WDR1: variants seen among roughly 807,000 people sequenced by gnomAD.
WDR1 encodes the protein WD repeat domain 1.
In WDR1, 21 loss-of-function variants were observed where a neutral mutation model predicts 71.9. The ratio of observed to expected loss-of-function variants is 0.29; its 90% CI spans 0.21 to 0.42. WDR1 has a LOEUF of 0.42. Ranked by LOEUF, WDR1 falls within the 10% of genes least tolerant of loss-of-function variation. The pLI is 1.00. For missense variants in WDR1, 696 were observed against 824.5 expected (o/e 0.84, Z 1.91); for synonymous variants, 424 against 347.4 (o/e 1.22, Z -2.45).
At chr4:10,081,186 C>T (rs60535886) in intron 11 of WDR1, among the ~76,000 whole-genome samples, 171 bp downstream of exon 11, 3 of 152,250 alleles carry the variant, frequency 2.0e-5, no homozygotes, top group South Asian at 2.1e-4. Context: ...ATCTGTACAA[C>T]TGATGTGATG....
At position 10,103,953 on chromosome 4, in the gene WDR1, C is replaced by T. The variant is rs1391665071; in HGVS notation, c.172G>A (p.Ala58Thr). 3 of 1,602,892 alleles carry T rather than the reference C, an allele frequency of 1.9e-6. No homozygotes were observed. The highest frequency in any genetic ancestry group is 2.6e-6 in the Non-Finnish European group (3 of 1,175,036). ...PALADIYTEHAHQVVVAKYAP... is the reference protein window; with the variant it reads ...PALADIYTEHTHQVVVAKYAP... ...TACTTGGCCACCACCACCTGATGGG[C>T]GTGCTCTGTGTAGATGTCAGCAAGG... is the stretch of plus-strand genomic sequence containing the variant. Residue 58 changes from alanine (A) to threonine (T), a missense_variant, in exon 3 of 15, where the codon GCC becomes ACC. Transcript: ENST00000499869.
intron 2 of WDR1, among the ~76,000 whole-genome samples, chr4:10,111,609 C>G (rs114732459): frequency 0.015 from 2,255 of 152,296 alleles, 56 homozygotes; most frequent in African/African-American, 0.049. Flanking sequence ...CCCCCACAGG[C>G]CAATGGCCAT....
At chr4:10,092,694 G>T (rs774421326) in intron 5 of WDR1, 1 of 266,000 alleles carries the variant, frequency 3.8e-6, no homozygotes, top group African/African-American at 2.2e-5. Context: ...GAGAGAAGCC[G>T]CGAAAAGCCC....
At chr4:10,086,655 G>C (rs1711588542) in intron 8 of WDR1, among the ~76,000 whole-genome samples, 1 of 152,234 alleles carries the variant, frequency 6.6e-6, no homozygotes, top group African/African-American at 2.4e-5. Flanking sequence ...ACCCTCTGCA[G>C]AGGCTGGTCC....
At position 10,074,425 on chromosome 4, in the gene WDR1, C is replaced by T. The variant is rs1304785342; in HGVS notation, c.*953G>A. Reference sequence around the variant, plus strand: ...CACAAGTGCAAGGGGAGGGATTGTTCTCAGCCAACATTTACCAGTGATTCC... The same window carrying T: ...CACAAGTGCAAGGGGAGGGATTGTTTTCAGCCAACATTTACCAGTGATTCC... On this transcript the variant is annotated 3_prime_UTR_variant, in exon 15 of 15. Transcript: ENST00000499869. The T allele has an allele frequency of 6.6e-6, 1 of 152,630 alleles. No homozygotes were observed. The highest frequency in any genetic ancestry group is 2.4e-5 in the African/African-American group (1 of 41,458). 9.5% of individuals were successfully genotyped at this position (152,630 alleles called of 1,614,324 possible).
At chr4:10,102,749 A>G (rs967888404) in intron 3 of WDR1, among the ~76,000 whole-genome samples, 2 of 152,164 alleles carry the variant, frequency 1.3e-5, no homozygotes, top group Non-Finnish European at 2.9e-5. Context: ...CACACGCAGG[A>G]TGGTACAAGC....
intron 8 of WDR1, among the ~76,000 whole-genome samples, chr4:10,086,073 G>C (rs1399524215): frequency 6.6e-6 from 1 of 152,214 alleles, no homozygotes; most frequent in Admixed American, 6.5e-5. Flanking sequence ...GCAGACCTGA[G>C]GGCTGACACC....
intron 9 of WDR1, among the ~76,000 whole-genome samples, chr4:10,084,187 A>G (rs917387274): frequency 2.0e-5 from 3 of 152,204 alleles, no homozygotes; most frequent in Admixed American, 2.0e-4. Context: ...CACGACAAGA[A>G]GGGACTGATC....
At chr4:10,101,151 C>T (rs1014811865) in intron 3 of WDR1, among the ~76,000 whole-genome samples, 5 of 152,288 alleles carry the variant, frequency 3.3e-5, no homozygotes, top group African/African-American at 1.2e-4. Flanking sequence ...ATGAAAATAA[C>T]CTCAGGAAAA....
chr4:10,078,695 G>A lies in WDR1; in HGVS notation c.1395+196C>T, dbSNP rs189719664. ...GGTGGGGGAAGTGCCGAGGAGGGGA[G>A]GGGAAGGCTCCAGCCCTGGGTGGCA... On this transcript the variant is annotated intron_variant, in intron 12 of 14. Transcript: ENST00000499869. 1.7e-4 allele frequency: 93 copies of A among 536,294 alleles called. No homozygotes were observed. In the East Asian group the frequency reaches 2.8e-3, roughly 16 times the overall value. 33.2% of individuals were successfully genotyped at this position (536,294 alleles called of 1,614,324 possible).
At chr4:10,112,904 G>A (rs1185047875) in intron 2 of WDR1, among the ~76,000 whole-genome samples, 1 of 152,248 alleles carries the variant, frequency 6.6e-6, no homozygotes, top group Non-Finnish European at 1.5e-5. Flanking sequence ...CAGTTAGGGG[G>A]ACAGGCAGAT....
chr4:10,097,852 C>A lies in WDR1; in HGVS notation c.417G>T (p.Val139=). Residue 139 remains valine, a synonymous_variant, in exon 5 of 15, where the codon GTG becomes GTT. Transcript: ENST00000499869. ...AVFLWDSGSS[V]GEITGHNKVI... The stretch of plus-strand genomic sequence containing the variant: ...CTTTGTTGTGTCCTGTAATCTCGCC[C>A]ACAGAAGAGCCACTATCCCAGAGGA... 6.2e-7 allele frequency: 1 copy of A among 1,609,730 alleles called. No individual in the cohort carries two copies. Among genetic ancestry groups the A allele is most frequent in the Non-Finnish European group, 8.5e-7 (1 of 1,178,262 alleles).
At chr4:10,111,170 G>A (rs574288541) in intron 2 of WDR1, among the ~76,000 whole-genome samples, 5 of 152,212 alleles carry the variant, frequency 3.3e-5, no homozygotes, top group Non-Finnish European at 5.9e-5. Flanking sequence ...TGGCTCCAGT[G>A]GCCTTCAGAG....
chr4:10,110,501 G>A (rs1043091205), intron 2 of WDR1, among the ~76,000 whole-genome samples: 14 of 152,218 alleles, frequency 9.2e-5, no homozygotes, highest in African/African-American at 3.4e-4. Flanking sequence ...GGGGCTGAGA[G>A]GACCCAGGTA....
chr4:10,080,420 T>C (rs531614928), intron 11 of WDR1, among the ~76,000 whole-genome samples: 23 of 152,378 alleles, frequency 1.5e-4, no homozygotes, highest in African/African-American at 5.3e-4. Flanking sequence ...GCGCTCCATG[T>C]GTGGATTCCC....
intron 5 of WDR1, chr4:10,096,100 G>A (rs1164496561): frequency 6.6e-6 from 1 of 152,278 alleles, no homozygotes; most frequent in Non-Finnish European, 1.5e-5. Flanking sequence ...GCAGCCTGGT[G>A]AAGAAGACAG....
chr4:10,093,001 C>T, intron 5 of WDR1: 1 of 1,236,350 alleles, frequency 8.1e-7, no homozygotes, highest in Non-Finnish European at 1.1e-6. Flanking sequence ...AGCCCCCCTC[C>T]CCACAGTCCT....
chr4:10,112,853 TGAAA>T (rs1713468310), intron 2 of WDR1, among the ~76,000 whole-genome samples: 1 of 152,202 alleles, frequency 6.6e-6, no homozygotes, highest in Non-Finnish European at 1.5e-5. Flanking sequence ...CGGCAGTGAC[TGAAA>T]GAGAGGGGAA....
At chr4:10,085,511 C>T (rs893390573) in intron 8 of WDR1, among the ~76,000 whole-genome samples, 2 of 152,210 alleles carry the variant, frequency 1.3e-5, no homozygotes, top group East Asian at 1.9e-4. Context: ...CCTTACAGCG[C>T]GGACCTCAGA....
Sources: gnomAD v4.1 joint callset for allele counts (sites outside exome capture counted in the v4.1 genomes callset) on GRCh38, gnomAD v4.1.1 for gene constraint, MANE v1.5 for transcripts, NCBI Gene and HGNC (gene_info 2026-07-23, HGNC 2026-07-21) for gene names.